Variants in CSMD1 observed in about 807,000 individuals in gnomAD.
CSMD1 encodes the protein CUB and sushi domain-containing protein 1.
In CSMD1, 213 loss-of-function variants were observed where a neutral mutation model predicts 417.5. That is an observed-to-expected ratio of 0.51 (90% CI 0.46 to 0.57). The LOEUF (loss-of-function observed/expected upper bound fraction) is 0.57. Ranked by LOEUF, CSMD1 falls within the 20% of genes least tolerant of loss-of-function variation. CSMD1 has a pLI of 0.00. For missense variants in CSMD1, 6,923 were observed against 4,529.7 expected, an observed-to-expected ratio of 1.53 and a Z score of -15.17; for synonymous variants, 2,862 against 1,736.8, an observed-to-expected ratio of 1.65 and a Z score of -16.11.
chr8:3,875,930 A>G (rs936262463), intron 5 of CSMD1, among the ~76,000 whole-genome samples: 14 of 152,298 alleles, frequency 9.2e-5, no homozygotes, highest in South Asian at 4.1e-4. Flanking sequence ...GAGGAGATCA[A>G]TGGGAAGCTC....
At chr8:4,031,883 C>T (rs1255319909) in intron 4 of CSMD1, 22 bp downstream of exon 4, 1 of 1,585,692 alleles carries the variant, frequency 6.3e-7, no homozygotes, top group South Asian at 1.1e-5. Flanking sequence ...GTCTGCTCAC[C>T]AGCCCCCTTG....
At chr8:4,491,916 CA>C (rs1024798613) in intron 2 of CSMD1, among the ~76,000 whole-genome samples, 6 of 151,714 alleles carry the variant, frequency 4.0e-5, no homozygotes, top group African/African-American at 1.5e-4. Context: ...AAAATCTTTA[CA>C]AAATATTTAT....
chr8:4,349,151 C>T (rs1462188143), intron 3 of CSMD1, among the ~76,000 whole-genome samples: 1 of 152,152 alleles, frequency 6.6e-6, no homozygotes, highest in African/African-American at 2.4e-5. Flanking sequence ...ACAGAGCTTG[C>T]ATATGTGCTT....
chr8:4,811,640 T>G (rs7840092), intron 1 of CSMD1, among the ~76,000 whole-genome samples: 10,068 of 152,154 alleles, frequency 0.066, 559 homozygotes, highest in East Asian at 0.24. Flanking sequence ...GATGGGGCTG[T>G]CATAACTGGA....
At chr8:4,979,454 C>T (rs1052674085) in intron 1 of CSMD1, among the ~76,000 whole-genome samples, 2 of 152,008 alleles carry the variant, frequency 1.3e-5, no homozygotes, top group African/African-American at 2.4e-5. Flanking sequence ...TAGCAGATGC[C>T]GTCAAAGGTA....
At chr8:4,296,931 A>G (rs1797719391) in intron 3 of CSMD1, among the ~76,000 whole-genome samples, 1 of 152,110 alleles carries the variant, frequency 6.6e-6, no homozygotes, top group African/African-American at 2.4e-5. Context: ...AGTGATGGAC[A>G]ATGGTACACA....
chr8:4,443,924 C>T (rs939735696), intron 2 of CSMD1, among the ~76,000 whole-genome samples: 7 of 152,014 alleles, frequency 4.6e-5, no homozygotes, highest in African/African-American at 7.3e-5. Flanking sequence ...ATAAGAAATG[C>T]GTACATATAC....
intron 4 of CSMD1, 72 bp from the exon 5 acceptor site, chr8:3,998,182 T>G: frequency 7.5e-7 from 1 of 1,333,006 alleles, no homozygotes; most frequent in Non-Finnish European, 1.0e-6. Context: ...GTCCACCAAG[T>G]GTCACTCTTG....
rs1330604716 is a variant in CSMD1, at chr8:3,181,128, A to T, written c.5707T>A (p.Phe1903Ile). 6.2e-7 allele frequency: 1 copy of T among 1,613,476 alleles called. No individual in the cohort carries two copies. The highest frequency in any genetic ancestry group is 8.5e-7 in the Non-Finnish European group (1 of 1,179,612). ...ACCTTACTTTTGTATTCCAGGTGGA[A>T]ACCAGCAGCTGCCACACTAATGTCA... ...QSDISVAAAGFHLEYKTVGLA... is the reference protein window; with the variant it reads ...QSDISVAAAGIHLEYKTVGLA... Residue 1903 changes from phenylalanine to isoleucine, a missense_variant, in exon 37 of 70, where the codon TTC becomes ATC. Coordinates refer to ENST00000635120, the MANE Select transcript of CSMD1 (RefSeq NM_033225.6).
intron 1 of CSMD1, among the ~76,000 whole-genome samples, chr8:4,662,848 G>C (rs1020805475): frequency 6.6e-6 from 1 of 152,156 alleles, no homozygotes; most frequent in Non-Finnish European, 1.5e-5. Context: ...CAGGACACTT[G>C]TCATGGTGTG....
At chr8:3,115,854 G>GT (rs1816832843) in intron 42 of CSMD1, among the ~76,000 whole-genome samples, 1 of 152,280 alleles carries the variant, frequency 6.6e-6, no homozygotes, top group Admixed American at 6.5e-5. Flanking sequence ...AAGTATCTGT[G>GT]TTTTTTCTGA....
intron 2 of CSMD1, among the ~76,000 whole-genome samples, chr8:4,451,909 A>C (rs1228724337): frequency 6.6e-6 from 1 of 150,628 alleles, no homozygotes; most frequent in Admixed American, 6.6e-5. Flanking sequence ...CTAAAATGAT[A>C]CCTGCCCAGA....
intron 5 of CSMD1, among the ~76,000 whole-genome samples, chr8:3,995,974 G>A (rs866485349): frequency 6.6e-6 from 1 of 152,186 alleles, no homozygotes; most frequent in South Asian, 2.1e-4. Flanking sequence ...CAAGAAGACA[G>A]TGGTAGTCTC....
chr8:3,874,938 G>A (rs895537423), intron 5 of CSMD1, among the ~76,000 whole-genome samples: 2 of 152,140 alleles, frequency 1.3e-5, no homozygotes, highest in African/African-American at 4.8e-5. Flanking sequence ...CTTGGGGCCT[G>A]ACATTTAATC....
intron 6 of CSMD1, among the ~76,000 whole-genome samples, chr8:3,728,861 T>C (rs180810779): frequency 5.1e-4 from 78 of 152,342 alleles, no homozygotes; most frequent in African/African-American, 1.7e-3. Context: ...AGCAGATTCA[T>C]GGACTAAGGC....
intron 2 of CSMD1, among the ~76,000 whole-genome samples, chr8:4,420,926 G>C (rs746143638): frequency 1.6e-4 from 25 of 152,082 alleles, no homozygotes; most frequent in Non-Finnish European, 3.2e-4. Context: ...CCTGTCTTTT[G>C]GTTTATCACC....
At chr8:3,814,786 A>G (rs1034361251) in intron 5 of CSMD1, among the ~76,000 whole-genome samples, 20 of 152,136 alleles carry the variant, frequency 1.3e-4, no homozygotes, top group African/African-American at 4.6e-4. Flanking sequence ...ACGATTTTCT[A>G]TTTATTCGTC....
chr8:3,043,980 A>G (rs1283696503), intron 50 of CSMD1, among the ~76,000 whole-genome samples: 4 of 152,204 alleles, frequency 2.6e-5, no homozygotes, highest in African/African-American at 9.6e-5. Context: ...ACACTCTACA[A>G]CAGCAGCTTA....
At chr8:4,983,863 A>T (rs1012647383) in intron 1 of CSMD1, among the ~76,000 whole-genome samples, 1 of 152,124 alleles carries the variant, frequency 6.6e-6, no homozygotes, top group African/African-American at 2.4e-5. Flanking sequence ...AGTGGACTCA[A>T]AGATGGGTGG....
Sources: allele counts gnomAD v4.1 joint callset (sites outside exome capture counted in the v4.1 genomes callset), GRCh38; gene constraint gnomAD v4.1.1; transcripts MANE v1.5; gene names NCBI Gene and HGNC (gene_info 2026-07-23, HGNC 2026-07-21).